Variants in SGIP1 observed in about 807,000 individuals in gnomAD.
The protein encoded by SGIP1 is SH3GL interacting endocytic adaptor 1, also known as SH3-containing GRB2-like protein 3-interacting protein 1.
A neutral mutation model predicts 107.5 loss-of-function variants in SGIP1; 38 were observed. The observed-to-expected ratio is 0.35, with a 90% CI of 0.27 to 0.46. The LOEUF (loss-of-function observed/expected upper bound fraction) is 0.46, where lower values mean the gene tolerates loss of function less well. Among genes scored for constraint, SGIP1 ranks in the 20% least tolerant of loss-of-function variants. The pLI, the probability that SGIP1 is intolerant of heterozygous loss-of-function variation, is 1.00. For synonymous variants in SGIP1, 365 were observed against 366.1 expected, an observed-to-expected ratio of 1.00 and a Z score of 0.03; for missense variants, 929 against 1,019.5, an observed-to-expected ratio of 0.91 and a Z score of 1.21.
intron 1 of SGIP1, chr1:66,616,120 G>A (rs961998445): frequency 1.3e-5 from 2 of 152,200 alleles, no homozygotes; most frequent in African/African-American, 2.4e-5. Flanking sequence ...ACTTCTTGTT[G>A]TGAGTGTTTT....
intron 7 of SGIP1, among the ~76,000 whole-genome samples, chr1:66,658,327 AT>A (rs1460055405): frequency 1.3e-5 from 2 of 152,212 alleles, no homozygotes; most frequent in East Asian, 3.8e-4. Flanking sequence ...ATCTACACTA[AT>A]GTTGTACAAA....
upstream of SGIP1, among the ~76,000 whole-genome samples, chr1:66,533,853 G>A (rs912961194): frequency 1.3e-5 from 2 of 152,162 alleles, no homozygotes; most frequent in Non-Finnish European, 2.9e-5. Flanking sequence ...TAAGGTGGCA[G>A]CCCTTGATAA....
At chr1:66,676,024 C>G (rs1268247723) in intron 12 of SGIP1, among the ~76,000 whole-genome samples, 1 of 152,160 alleles carries the variant, frequency 6.6e-6, no homozygotes, top group Non-Finnish European at 1.5e-5. Flanking sequence ...TAAGAGTATT[C>G]AAATAGACAG....
intron 1 of SGIP1, among the ~76,000 whole-genome samples, chr1:66,566,692 C>T (rs2059687926): frequency 6.6e-6 from 1 of 151,806 alleles, no homozygotes; most frequent in Non-Finnish European, 1.5e-5. Context: ...TGCATTTACT[C>T]TTTTTTATTT....
At chr1:66,656,980 C>A (rs1429903995) in intron 7 of SGIP1, among the ~76,000 whole-genome samples, 1 of 151,932 alleles carries the variant, frequency 6.6e-6, no homozygotes, top group Non-Finnish European at 1.5e-5. Context: ...CCAGCCTGAG[C>A]AACATAGCGA....
At chr1:66,662,002 A>G (rs1276660985) in intron 8 of SGIP1, among the ~76,000 whole-genome samples, 1 of 152,192 alleles carries the variant, frequency 6.6e-6, no homozygotes, top group Non-Finnish European at 1.5e-5. Context: ...AGATCATCTC[A>G]AATATGTCTG....
intron 14 of SGIP1, among the ~76,000 whole-genome samples, chr1:66,681,193 A>G (rs942576597): frequency 3.3e-5 from 5 of 152,170 alleles, no homozygotes; most frequent in African/African-American, 1.2e-4. Flanking sequence ...TCAATAATCT[A>G]TGTGTGTGTT....
In SGIP1 at chr1:66,690,234, A is replaced by AAT. The variant is rs1387430372; in HGVS notation, c.1490_1491dup (p.Ala498Ter). 1 of 1,614,154 alleles carries AAT rather than the reference A, an allele frequency of 6.2e-7. No homozygotes were observed. Among genetic ancestry groups the AAT allele is most frequent in the South Asian group, 1.1e-5 (1 of 91,078 alleles). On this transcript the variant is annotated frameshift_variant, in exon 17 of 25. Transcript: ENST00000371037. LOFTEE classifies it high-confidence loss of function. ...CCATTCATTCTTCCAGCCCTCCTCC[A>AAT]ATAGCACCCTTAGCGCGGGCTGAAA...
At chr1:66,537,995 C>A (rs538659709) in intron 1 of SGIP1, among the ~76,000 whole-genome samples, 10 of 152,192 alleles carry the variant, frequency 6.6e-5, no homozygotes, top group Non-Finnish European at 1.3e-4. Flanking sequence ...TATTCTGTGT[C>A]TCTCTGTTTT....
At chr1:66,660,145 G>GAGAA (rs71575496) in intron 7 of SGIP1, 1,396 of 42,392 alleles carry the variant, frequency 0.033, 46 homozygotes, top group Middle Eastern at 0.064. Flanking sequence ...AGAAAGAAGA[G>GAGAA]AGAAAGAAAG....
At chr1:66,596,548 G>C (rs111404367) in intron 1 of SGIP1, among the ~76,000 whole-genome samples, 4 of 151,906 alleles carry the variant, frequency 2.6e-5, no homozygotes, top group African/African-American at 9.7e-5. Flanking sequence ...ACAGATCAGA[G>C]GAAAGCACAT....
At chr1:66,558,770 T>G (rs2058532226) in intron 1 of SGIP1, among the ~76,000 whole-genome samples, 1 of 151,738 alleles carries the variant, frequency 6.6e-6, no homozygotes, top group South Asian at 2.1e-4. Context: ...AATGTCTGGT[T>G]TTGTGGGTGT....
At position 66,542,573 on chromosome 1, in the gene SGIP1, C is replaced by T. The variant is rs148295743; in HGVS notation, c.10+8205C>T. On this transcript the variant is annotated intron_variant, in intron 1 of 24. Coordinates refer to ENST00000371037, the MANE Select transcript of SGIP1 (RefSeq NM_032291.4). ...GCAGGTAGTGTAGACAGCGTGGATA[C>T]ACTGGACAAAGGACTGATTCGTGTC... is the stretch of plus-strand genomic sequence containing the variant. Among the ~76,000 whole-genome samples the T allele has an allele frequency of 1.1e-3, 160 of 152,276 alleles. 1 individual carries two copies. Among genetic ancestry groups the T allele is most frequent in the Non-Finnish European group, 1.5e-3 (101 of 68,012 alleles).
chr1:66,701,160 A>G (rs1233503927), intron 18 of SGIP1, among the ~76,000 whole-genome samples: 1 of 152,196 alleles, frequency 6.6e-6, no homozygotes, highest in Non-Finnish European at 1.5e-5. Flanking sequence ...TGAACTGGTC[A>G]AATTTCTCAC....
At chr1:66,739,103 C>T (rs1399199745) in intron 21 of SGIP1, among the ~76,000 whole-genome samples, 1 of 152,054 alleles carries the variant, frequency 6.6e-6, no homozygotes, top group Non-Finnish European at 1.5e-5. Context: ...ACCTCCTTAA[C>T]TGACACGAAG....
intron 4 of SGIP1, 114 bp from the exon 5 acceptor site, chr1:66,639,663 C>A (rs2076417416): frequency 1.2e-6 from 1 of 822,148 alleles, no homozygotes; most frequent in Non-Finnish European, 2.0e-6. Context: ...ATATGTCTTT[C>A]CAGTGCTGGA....
At chr1:66,739,198 G>C (rs1227031397) in intron 21 of SGIP1, 137 bp from the exon 22 acceptor site, 14 of 890,974 alleles carry the variant, frequency 1.6e-5, no homozygotes, top group African/African-American at 5.1e-5. Flanking sequence ...GAAGCACCCA[G>C]CTCTCTCACA....
At chr1:66,557,454 A>AT (rs928642597) in intron 1 of SGIP1, among the ~76,000 whole-genome samples, 2 of 151,820 alleles carry the variant, frequency 1.3e-5, no homozygotes, top group Non-Finnish European at 1.5e-5. Flanking sequence ...TAAACTGCCT[A>AT]TTTTTTTTCC....
chr1:66,546,128 AG>A (rs2056340806), intron 1 of SGIP1, among the ~76,000 whole-genome samples: 1 of 152,166 alleles, frequency 6.6e-6, no homozygotes, highest in African/African-American at 2.4e-5. Context: ...CCATAGTAGA[AG>A]CTTATTAAAT....
Sources: gnomAD v4.1 joint callset for allele counts (sites outside exome capture counted in the v4.1 genomes callset) on GRCh38, gnomAD v4.1.1 for gene constraint, MANE v1.5 for transcripts, NCBI Gene and HGNC (gene_info 2026-07-23, HGNC 2026-07-21) for gene names.